FBXO25: variants seen among roughly 807,000 people sequenced by gnomAD.
FBXO25 encodes F-box only protein 25.
In FBXO25, 45 loss-of-function variants were observed where a neutral mutation model predicts 51.9. The ratio of observed to expected loss-of-function variants is 0.87; its 90% CI spans 0.68 to 1.11. The LOEUF (loss-of-function observed/expected upper bound fraction) is 1.11, where lower values mean the gene tolerates loss of function less well. Ranked by LOEUF, FBXO25 falls within the 50% of genes most tolerant of loss-of-function variation. The pLI, the probability that FBXO25 is intolerant of heterozygous loss-of-function variation, is 0.00. For missense variants in FBXO25, 507 were observed against 428.5 expected (o/e 1.18, Z -1.62); for synonymous variants, 199 against 151.0 (o/e 1.32, Z -2.33).
intron 9 of FBXO25, among the ~76,000 whole-genome samples, chr8:465,717 A>T (rs1333438786): frequency 6.6e-6 from 1 of 152,194 alleles, no homozygotes; most frequent in Non-Finnish European, 1.5e-5. Context: ...AGTTTGTGTT[A>T]CTTAACATGT....
Position 469,225 on chromosome 8 carries a change from C to A in FBXO25, c.*421C>A, listed in dbSNP as rs1371425828. On this transcript the variant is annotated 3_prime_UTR_variant, in exon 10 of 10. Transcript: ENST00000350302. ...ACAAAACATTTGATCCTTGTAAATA[C>A]ATTGTACAGAATATTTATTTTTTCT... is the stretch of plus-strand genomic sequence containing the variant. The A allele has an allele frequency of 6.3e-6, 1 of 159,336 alleles. No homozygotes were observed. The highest frequency in any genetic ancestry group is 1.9e-4 in the South Asian group (1 of 5,220). 9.9% of individuals were successfully genotyped at this position (159,336 alleles called of 1,614,324 possible).
chr8:420,326 C>A (rs375402498), intron 2 of FBXO25: 99 of 152,306 alleles, frequency 6.5e-4, no homozygotes, highest in African/African-American at 2.3e-3. Flanking sequence ...CAGGAATATG[C>A]TCTCCAACCC....
At chr8:467,819 C>T (rs912124353) in intron 9 of FBXO25, 2 of 1,600,644 alleles carry the variant, frequency 1.2e-6, no homozygotes, top group Non-Finnish European at 1.7e-6. Flanking sequence ...TCATGCACGT[C>T]ATCTTGGCCA....
chr8:442,595 G>A (rs1370916752), intron 5 of FBXO25, among the ~76,000 whole-genome samples: 4 of 151,334 alleles, frequency 2.6e-5, no homozygotes, highest in Admixed American at 6.6e-5. Flanking sequence ...TCAGCTTCCC[G>A]AGTAGCTGGG....
chr8:469,043 G>T lies in FBXO25; in HGVS notation c.*239G>T, dbSNP rs1330785470. 3 of 473,920 alleles carry T rather than the reference G, an allele frequency of 6.3e-6. No individual in the cohort carries two copies. In the East Asian group the frequency reaches 1.1e-4, roughly 17 times the overall value. The allele number at this position is 473,920 out of a possible 1,614,324, so 29.4% of individuals were successfully genotyped here. A position where few individuals can be genotyped will look rare whatever the true frequency, so the allele number is the denominator to read the frequency against. ...ACTCCTTCTAAGCATATTAAAATGT[G>T]AAATTTTGCGTACTCTCTCTCTCTA... On this transcript the variant is annotated 3_prime_UTR_variant, in exon 10 of 10. Coordinates refer to ENST00000350302, the MANE Select transcript of FBXO25 (RefSeq NM_183420.2).
chr8:458,632 G>C, intron 8 of FBXO25, 81 bp downstream of exon 8: 2 of 1,347,538 alleles, frequency 1.5e-6, no homozygotes, highest in East Asian at 4.7e-5. Context: ...AACTCACCTG[G>C]AGAGAAAGAA....
In FBXO25 at chr8:449,912, T is replaced by C. The variant is rs1798972621; in HGVS notation, c.382-78T>C. 1.5e-5 allele frequency: 14 copies of C among 934,912 alleles called. No individual in the cohort carries two copies. In the Admixed American group the frequency reaches 2.6e-4, roughly 17 times the overall value. The allele number at this position is 934,912 out of a possible 1,614,324, so 57.9% of individuals were successfully genotyped here. A position where few individuals can be genotyped will look rare whatever the true frequency, so the allele number is the denominator to read the frequency against. On this transcript the variant is annotated intron_variant, in intron 5 of 9. Transcript: ENST00000350302. ...ATGGCATGTTAGAAATCTTCATGCATGTGTGTTATATCACTGTGGTTTGTA... is the reference window on the plus strand; with the variant it reads ...ATGGCATGTTAGAAATCTTCATGCACGTGTGTTATATCACTGTGGTTTGTA...
intron 2 of FBXO25, among the ~76,000 whole-genome samples, chr8:423,487 T>C (rs1253505161): frequency 6.6e-6 from 1 of 151,988 alleles, no homozygotes; most frequent in African/African-American, 2.4e-5. Context: ...GTTGTTCCCA[T>C]GTTTGTGTCC....
At position 434,700 on chromosome 8, in the gene FBXO25, T is replaced by C. The variant is rs539906637; in HGVS notation, c.289-915T>C. On this transcript the variant is annotated intron_variant, in intron 4 of 9. Transcript: ENST00000350302. ...TTTTTCTAGCTTATCTCTACAACTTTGACATGAAAATCTGTAGATTTTAAA... is the reference window on the plus strand; with the variant it reads ...TTTTTCTAGCTTATCTCTACAACTTCGACATGAAAATCTGTAGATTTTAAA... Among the ~76,000 whole-genome samples, 11 of 152,270 alleles carry C rather than the reference T, an allele frequency of 7.2e-5. No homozygotes were observed. In the East Asian group the frequency reaches 1.7e-3, roughly 24 times the overall value.
At chr8:410,356 G>C (rs1796416339) in intron 1 of FBXO25, among the ~76,000 whole-genome samples, 1 of 152,032 alleles carries the variant, frequency 6.6e-6, no homozygotes, top group Non-Finnish European at 1.5e-5. Flanking sequence ...CATGTAGTTG[G>C]TGCTCAAATG....
Position 474,170 on chromosome 8 carries a change from C to T in FBXO25, c.*5366C>T, listed in dbSNP as rs1226635927. On this transcript the variant is annotated 3_prime_UTR_variant, in exon 10 of 10. Transcript: ENST00000350302. ...TTCTCCTTTGTCTCTTTTAATTTGA[C>T]TTCTGTAGGGACCTCGTATGAGTGG... 6.4e-6 allele frequency: 1 copy of T among 157,214 alleles called. No individual in the cohort carries two copies. The highest frequency in any genetic ancestry group is 2.4e-5 in the African/African-American group (1 of 41,516). 9.7% of individuals were successfully genotyped at this position (157,214 alleles called of 1,614,324 possible). A position where few individuals can be genotyped will look rare whatever the true frequency, so the allele number is the denominator to read the frequency against.
intron 2 of FBXO25, among the ~76,000 whole-genome samples, chr8:418,702 T>TA (rs1479402282): frequency 1.5e-4 from 23 of 152,186 alleles, no homozygotes; most frequent in Non-Finnish European, 3.1e-4. Flanking sequence ...TTTACACTTC[T>TA]AAAAAACTAA....
In FBXO25 at chr8:413,139, T is replaced by C. The variant is rs1796586670; in HGVS notation, c.60T>C (p.Asp20=). 1 of 1,610,936 alleles carries C rather than the reference T, an allele frequency of 6.2e-7. No individual in the cohort carries two copies. The highest frequency in any genetic ancestry group is 1.3e-5 in the African/African-American group (1 of 74,686). Reference sequence around the variant, plus strand: ...GATGGAGTTGGATTAAGACAGAAGATGGCTGGAAGAGATGTGAATCTTGTA... The same window carrying C: ...GATGGAGTTGGATTAAGACAGAAGACGGCTGGAAGAGATGTGAATCTTGTA... ...SPGWSWIKTE[D]GWKRCESCSQ... The change falls in exon 2 of 10, where the codon GAT becomes GAC. Residue 20 remains aspartate (D), a synonymous_variant. Coordinates refer to ENST00000350302, the MANE Select transcript of FBXO25 (RefSeq NM_183420.2).
intron 7 of FBXO25, among the ~76,000 whole-genome samples, chr8:457,937 C>A (rs1031048519): frequency 1.3e-5 from 2 of 152,226 alleles, no homozygotes; most frequent in Admixed American, 1.3e-4. Context: ...GTCCAGGCCA[C>A]CCAGTGGTGT....
chr8:426,182 T>A (rs1450012303), intron 2 of FBXO25, among the ~76,000 whole-genome samples: 1 of 152,148 alleles, frequency 6.6e-6, no homozygotes, highest in Non-Finnish European at 1.5e-5. Flanking sequence ...CTGCCTCTAG[T>A]CATTTTGGTT....
At chr8:462,984 T>C (rs1799917323) in intron 8 of FBXO25, 23 bp from the exon 9 acceptor site, 2 of 1,591,240 alleles carry the variant, frequency 1.3e-6, no homozygotes, top group Non-Finnish European at 1.7e-6. Context: ...ATGCGGATTC[T>C]GAATGGAGTT....
chr8:457,434 C>G (rs1015738839), intron 7 of FBXO25, among the ~76,000 whole-genome samples: 2 of 152,204 alleles, frequency 1.3e-5, no homozygotes, highest in African/African-American at 4.8e-5. Context: ...CTGGCACGTG[C>G]ACACACATGT....
intron 1 of FBXO25, among the ~76,000 whole-genome samples, chr8:409,129 A>C (rs1310720096): frequency 1.3e-5 from 2 of 152,136 alleles, no homozygotes; most frequent in African/African-American, 4.8e-5. Flanking sequence ...GTATTTTTGA[A>C]AACTTGAGAT....
intron 8 of FBXO25, 124 bp from the exon 9 acceptor site, chr8:462,883 C>G: frequency 1.8e-6 from 2 of 1,141,346 alleles, no homozygotes; most frequent in Non-Finnish European, 1.2e-6. Context: ...CACTTGTAAC[C>G]CTAAAGCTAT....
Sources: gnomAD v4.1 joint callset for allele counts (sites outside exome capture counted in the v4.1 genomes callset) on GRCh38, gnomAD v4.1.1 for gene constraint, MANE v1.5 for transcripts, NCBI Gene and HGNC (gene_info 2026-07-23, HGNC 2026-07-21) for gene names.